The following PAK4 variants were observed in gnomAD, a reference collection of about 807,000 sequenced individuals.
PAK4 encodes the protein serine/threonine-protein kinase PAK 4.
A neutral mutation model predicts 53.5 loss-of-function variants in PAK4; 49 were observed. That is an observed-to-expected ratio of 0.92 (90% CI 0.73 to 1.16). PAK4 has a LOEUF of 1.16. PAK4 is among the 50% of genes most tolerant of loss of function. The pLI is 0.00. For synonymous variants in PAK4, 376 were observed against 375.6 expected, an observed-to-expected ratio of 1.00 and a Z score of -0.01; for missense variants, 824 against 850.7, an observed-to-expected ratio of 0.97 and a Z score of 0.39.
At chr19:39,176,364 G>GA (rs1160958793) in intron 6 of PAK4, 1 of 599,674 alleles carries the variant, frequency 1.7e-6, no homozygotes. Flanking sequence ...GTCAGGGAGG[G>GA]AAATGGGGGG....
intron 7 of PAK4, 74 bp from the exon 9 acceptor site, chr19:39,177,601 G>T: frequency 6.6e-7 from 1 of 1,510,130 alleles, no homozygotes; most frequent in Non-Finnish European, 8.9e-7. Flanking sequence ...CGCTGGAGCG[G>T]TCCCTGCCTG....
In PAK4 at chr19:39,175,484, G is replaced by A; in HGVS notation, c.1359+46G>A. 6.4e-7 allele frequency: 1 copy of A among 1,554,938 alleles called. No individual in the cohort carries two copies. Among genetic ancestry groups the A allele is most frequent in the South Asian group, 1.2e-5 (1 of 84,420 alleles). On this transcript the variant is annotated intron_variant, in intron 6 of 8. Transcript: ENST00000358301. This position sits in a 1 kb window ranked among gnomAD's most constrained non-coding sequence, Gnocchi z 4.7. Reference sequence around the variant, plus strand: ...GTACGGGGGCGGCAGGTTTCCGGCTGCGGGGCTTCCCTGCCTCTTCCCATC... The same window carrying A: ...GTACGGGGGCGGCAGGTTTCCGGCTACGGGGCTTCCCTGCCTCTTCCCATC...
At position 39,175,453 on chromosome 19, in the gene PAK4, G is replaced by A. The variant is rs780123906; in HGVS notation, c.1359+15G>A. ...ATGATGGCAGGGTGAGGGGACGGGCGGCGGGGTACGGGGGCGGCAGGTTTC... is the reference window on the plus strand; with the variant it reads ...ATGATGGCAGGGTGAGGGGACGGGCAGCGGGGTACGGGGGCGGCAGGTTTC... On this transcript the variant is annotated intron_variant, in intron 6 of 8. Transcript: ENST00000358301. This position sits in a 1 kb window ranked among gnomAD's most constrained non-coding sequence, Gnocchi z 4.7. 62 of 1,601,558 alleles carry A rather than the reference G, an allele frequency of 3.9e-5. No individual in the cohort carries two copies. The Admixed American group carries it at 5.3e-4, about 14-fold the overall frequency.
intron 1 of PAK4, among the ~76,000 whole-genome samples, chr19:39,159,643 C>T (rs113015548): frequency 0.019 from 2,835 of 152,310 alleles, 91 homozygotes; most frequent in African/African-American, 0.065. Context: ...CTGCCTCGGC[C>T]TCCCAAAGTG....
intron 1 of PAK4, among the ~76,000 whole-genome samples, chr19:39,146,848 AGAGAAAGAGAGAGAGG>A (rs1196656205): frequency 1.3e-5 from 2 of 150,172 alleles, no homozygotes; most frequent in African/African-American, 4.9e-5. Flanking sequence ...CAAAAGAAAG[AGAGAAAGAGAGAGAGG>A]GAGAAAGGGA....
At chr19:39,169,979 C>T (rs1046457268) in intron 2 of PAK4, among the ~76,000 whole-genome samples, 9 of 152,332 alleles carry the variant, frequency 5.9e-5, no homozygotes, top group African/African-American at 2.2e-4. Flanking sequence ...CTGAGCCTCC[C>T]CCACGGCCCA....
At position 39,175,463 on chromosome 19, in the gene PAK4, G is replaced by C. The variant is rs747801373; in HGVS notation, c.1359+25G>C. On this transcript the variant is annotated intron_variant, in intron 6 of 8. Transcript: ENST00000358301. This position sits in a 1 kb window ranked among gnomAD's most constrained non-coding sequence, Gnocchi z 4.7. ...GGTGAGGGGACGGGCGGCGGGGTAC[G>C]GGGGCGGCAGGTTTCCGGCTGCGGG... 2 of 1,587,000 alleles carry C rather than the reference G, an allele frequency of 1.3e-6. No homozygotes were observed. The highest frequency in any genetic ancestry group is 2.3e-5 in the South Asian group (2 of 87,502).
chr19:39,178,663 T>C lies in PAK4; in HGVS notation c.*84T>C, dbSNP rs1263792220. ...GCCAGTAGGGGGCCAGGCCTCCCAC[T>C]CCTCCCAGCCCGGGAGATGCTCCGC... On this transcript the variant is annotated 3_prime_UTR_variant, in exon 9 of 9. Coordinates refer to ENST00000358301, the Ensembl canonical transcript of PAK4. The surrounding 1 kb of genome is among the most constrained non-coding windows in gnomAD (Gnocchi z 4.4). 1.2e-5 allele frequency: 15 copies of C among 1,274,430 alleles called. No homozygotes were observed. The highest frequency in any genetic ancestry group is 1.5e-5 in the African/African-American group (1 of 65,638). The allele number at this position is 1,274,430 out of a possible 1,614,324, so 78.9% of individuals were successfully genotyped here.
intron 1 of PAK4, among the ~76,000 whole-genome samples, chr19:39,164,811 C>T (rs1025571196): frequency 1.3e-5 from 2 of 152,110 alleles, no homozygotes; most frequent in Admixed American, 6.5e-5. Context: ...GCCACTCCAC[C>T]GTGGTTGAGG....
intron 1 of PAK4, among the ~76,000 whole-genome samples, chr19:39,148,456 G>A (rs1408091928): frequency 4.4e-5 from 2 of 44,962 alleles, no homozygotes; most frequent in Non-Finnish European, 9.2e-5. Context: ...TACCAAATAA[G>A]TTTCTTCTGC....
Position 39,174,203 on chromosome 19 carries a change from C to T in PAK4, c.1098+193C>T, listed in dbSNP as rs182580260. 3.0e-3 allele frequency among the ~76,000 whole-genome samples: 454 copies of T among 151,880 alleles called. 3 individuals are homozygous for T. Among genetic ancestry groups the T allele is most frequent in the African/African-American group, 0.01 (420 of 41,370 alleles). ...TGCCTCTGTCCTCACAGCACCCTCA[C>T]CCACATCTCTGTCCCTGAGCCCCAG... On this transcript the variant is annotated intron_variant, in intron 4 of 8. Transcript: ENST00000358301.
At position 39,159,825 on chromosome 19, in the gene PAK4, G is replaced by A. The variant is rs555740815; in HGVS notation, c.-22-9707G>A. On this transcript the variant is annotated intron_variant, in intron 1 of 8. Coordinates refer to ENST00000358301, the Ensembl canonical transcript of PAK4. Reference sequence around the variant, plus strand: ...GGGACGGCGCTATACCTGGAGGAACGAAGGAGAGCAGGGCTGCCCCCTCCA... The same window carrying A: ...GGGACGGCGCTATACCTGGAGGAACAAAGGAGAGCAGGGCTGCCCCCTCCA... Among the ~76,000 whole-genome samples the A allele has an allele frequency of 1.2e-4, 19 of 152,344 alleles. No homozygotes were observed. The South Asian group carries it at 1.9e-3, about 15-fold the overall frequency.
chr19:39,172,319 G>A (rs531794517), intron 2 of PAK4, among the ~76,000 whole-genome samples: 2 of 152,220 alleles, frequency 1.3e-5, no homozygotes, highest in Non-Finnish European at 2.9e-5. Context: ...GGTGGGGACC[G>A]GGTGACTCGG....
chr19:39,141,398 C>T (rs191406845), intron 1 of PAK4, among the ~76,000 whole-genome samples: 1 of 151,870 alleles, frequency 6.6e-6, no homozygotes, highest in Non-Finnish European at 1.5e-5. Flanking sequence ...TCACTGCAAC[C>T]TCCGCCTCCT....
At chr19:39,179,838 C>T (rs748576434), downstream of PAK4, 1 of 152,246 alleles carries the variant, frequency 6.6e-6, no homozygotes, top group Non-Finnish European at 1.5e-5. Context: ...CGGAGAGACA[C>T]CCTGTGAAGT....
chr19:39,129,383 G>A (rs1393099847), intron 1 of PAK4, among the ~76,000 whole-genome samples: 1 of 152,004 alleles, frequency 6.6e-6, no homozygotes, highest in Non-Finnish European at 1.5e-5. Context: ...GTGCAGCAGT[G>A]GGCCTTCTGG....
chr19:39,167,997 C>T (rs1346357083), intron 1 of PAK4: 1 of 152,484 alleles, frequency 6.6e-6, no homozygotes, highest in East Asian at 1.9e-4. Flanking sequence ...GGAAGCCTTC[C>T]TGCTGCCCAC....
intron 1 of PAK4, among the ~76,000 whole-genome samples, chr19:39,162,505 C>T (rs978147243): frequency 1.3e-5 from 2 of 152,054 alleles, no homozygotes; most frequent in African/African-American, 4.8e-5. Context: ...TGGGCTCAAG[C>T]GATCCTCCCT....
intron 1 of PAK4, among the ~76,000 whole-genome samples, chr19:39,147,954 C>CTTTT (rs60141249): frequency 4.5e-5 from 5 of 111,824 alleles, no homozygotes; most frequent in Non-Finnish European, 8.5e-5. Context: ...TATTCTCTCT[C>CTTTT]TTTTTTTTTT....
Sources: gnomAD v4.1 joint callset for allele counts (sites outside exome capture counted in the v4.1 genomes callset) on GRCh38, gnomAD v4.1.1 for gene constraint, Gnocchi (gnomAD v3.1) non-coding constraint, MANE v1.5 for transcripts, NCBI Gene and HGNC (gene_info 2026-07-23, HGNC 2026-07-21) for gene names.